CCDC3: variants seen among roughly 807,000 people sequenced by gnomAD.
The protein encoded by CCDC3 is coiled-coil domain-containing protein 3.
A neutral mutation model predicts 21.4 loss-of-function variants in CCDC3; 24 were observed. The observed-to-expected ratio is 1.12, with a 90% CI of 0.81 to 1.58. CCDC3 has a LOEUF of 1.58. CCDC3 is among the 40% of genes most tolerant of loss of function. The pLI is 0.00. For synonymous variants in CCDC3, 186 were observed against 166.0 expected (o/e 1.12, Z -0.93); for missense variants, 425 against 360.9 (o/e 1.18, Z -1.44).
At chr10:12,908,881 G>C (rs72775679) in intron 2 of CCDC3, among the ~76,000 whole-genome samples, 3 of 152,126 alleles carry the variant, frequency 2.0e-5, no homozygotes, top group Admixed American at 6.5e-5. Flanking sequence ...TGTGGACCAC[G>C]GCGCCTGGCC....
At chr10:12,969,551 A>G (rs886397303) in intron 2 of CCDC3, among the ~76,000 whole-genome samples, 2 of 151,882 alleles carry the variant, frequency 1.3e-5, no homozygotes, top group Non-Finnish European at 2.9e-5. Flanking sequence ...TACTGGGTAC[A>G]TATCCAAAGG....
intron 5 of CCDC3, among the ~76,000 whole-genome samples, chr10:13,012,989 A>G (rs1463505847): frequency 6.6e-6 from 1 of 152,248 alleles, no homozygotes; most frequent in Non-Finnish European, 1.5e-5. Context: ...AAATTTTTAT[A>G]TTCAAAATTC....
At chr10:12,908,033 C>T (rs533404208) in intron 2 of CCDC3, among the ~76,000 whole-genome samples, 18 of 152,286 alleles carry the variant, frequency 1.2e-4, no homozygotes, top group African/African-American at 4.1e-4. Context: ...GCTGATGGCC[C>T]ATGATTAAAA....
rs71477255 is a variant in CCDC3 at position 13,041,504 on chromosome 10, A to ATTTTTTTTTTT, written c.-2+8159_-2+8169dup. 1.4e-4 allele frequency among the ~76,000 whole-genome samples: 9 copies of ATTTTTTTTTTT among 62,112 alleles called. 3 individuals carry two copies. The highest frequency in any genetic ancestry group is 1.1e-3 in the East Asian group (2 of 1,826). 40.7% of individuals were successfully genotyped at this position (62,112 alleles called of 152,430 possible). Reference sequence around the variant, plus strand: ...GTTCACTCCAAGTGTCTGGCAGATAATTTTTTTTTTTTTTTTTTTTTTTTT... The same window carrying ATTTTTTTTTTT: ...GTTCACTCCAAGTGTCTGGCAGATAATTTTTTTTTTTTTTTTTTTTTTTTTTTTTTTTTTTT... On this transcript the variant is annotated intron_variant, in intron 5 of 6. Coordinates refer to the CCDC3 transcript ENST00000378839.
chr10:12,918,122 A>G (rs995911817), intron 2 of CCDC3, among the ~76,000 whole-genome samples: 2 of 152,184 alleles, frequency 1.3e-5, no homozygotes, highest in Non-Finnish European at 2.9e-5. Flanking sequence ...TTCCCTACCC[A>G]TCTGTATTAC....
At chr10:12,955,114 A>AAAAC (rs1394379593) in intron 2 of CCDC3, among the ~76,000 whole-genome samples, 2 of 152,362 alleles carry the variant, frequency 1.3e-5, no homozygotes, top group African/African-American at 4.8e-5. Context: ...TAAAATGCTT[A>AAAAC]GAACAATCCT....
chr10:13,070,570 A>C (rs952183095), intron 4 of CCDC3, among the ~76,000 whole-genome samples: 3 of 152,182 alleles, frequency 2.0e-5, no homozygotes, highest in Admixed American at 6.5e-5. Context: ...GTCACTTTCC[A>C]ACAGACCCAG....
At chr10:13,037,654 C>A (rs576048476) in intron 5 of CCDC3, among the ~76,000 whole-genome samples, 5 of 152,280 alleles carry the variant, frequency 3.3e-5, no homozygotes, top group Admixed American at 1.3e-4. Flanking sequence ...CTTTGAACCC[C>A]TTTGCCAGCC....
intron 2 of CCDC3, among the ~76,000 whole-genome samples, chr10:12,960,839 C>G (rs116827582): frequency 0.029 from 4,441 of 152,240 alleles, 227 homozygotes; most frequent in African/African-American, 0.1. Context: ...TTATCCCGAC[C>G]CAAACAAGCA....
intron 2 of CCDC3, among the ~76,000 whole-genome samples, chr10:12,953,001 G>T (rs1335869356): frequency 6.6e-6 from 1 of 151,834 alleles, no homozygotes. Context: ...AGGGAGGGAG[G>T]GGTAATCCAC....
intron 4 of CCDC3, among the ~76,000 whole-genome samples, chr10:13,057,057 C>A (rs1836690124): frequency 6.6e-6 from 1 of 151,938 alleles, no homozygotes; most frequent in Non-Finnish European, 1.5e-5. Flanking sequence ...TTTGGAGAGC[C>A]GAGGCGGGAG....
chr10:12,928,394 C>A (rs1418022676), intron 2 of CCDC3, among the ~76,000 whole-genome samples: 1 of 152,178 alleles, frequency 6.6e-6, no homozygotes, highest in Non-Finnish European at 1.5e-5. Flanking sequence ...CAGTAGTTTT[C>A]TGTTAAATTT....
intron 2 of CCDC3, among the ~76,000 whole-genome samples, chr10:12,972,503 A>G (rs1835358126): frequency 1.3e-5 from 2 of 152,158 alleles, no homozygotes; most frequent in African/African-American, 4.8e-5. Context: ...ACTCCAAGTC[A>G]TATTCCAGAA....
At chr10:13,004,047 C>T (rs1835896987), upstream of CCDC3, among the ~76,000 whole-genome samples, 1 of 152,142 alleles carries the variant, frequency 6.6e-6, no homozygotes, top group Non-Finnish European at 1.5e-5. Flanking sequence ...ACAAGCAGAG[C>T]TCAAGGTAGC....
chr10:12,899,492 C>T (rs1249666671), intron 2 of CCDC3, among the ~76,000 whole-genome samples: 2 of 152,028 alleles, frequency 1.3e-5, no homozygotes, highest in African/African-American at 2.4e-5. Context: ...GTGCAAGCTG[C>T]CACATGTGCA....
At chr10:12,965,772 G>A (rs1449376329) in intron 2 of CCDC3, among the ~76,000 whole-genome samples, 39 of 152,142 alleles carry the variant, frequency 2.6e-4, no homozygotes, top group Admixed American at 2.6e-3. Context: ...TGTCTATAAG[G>A]AGACATCATG....
chr10:13,066,805 C>CTGGG (rs2131436829), intron 4 of CCDC3, among the ~76,000 whole-genome samples: 1 of 152,238 alleles, frequency 6.6e-6, no homozygotes, highest in Admixed American at 6.5e-5. Context: ...GTGTGGTGAC[C>CTGGG]TGGGATTCAA....
At chr10:13,098,698 T>A (rs1832665416) in intron 2 of CCDC3, 1 of 147,194 alleles carries the variant, frequency 6.8e-6, no homozygotes, top group East Asian at 2.0e-4. Flanking sequence ...TGATCAGTTA[T>A]TTCCTGCACT....
chr10:13,090,323 C>T (rs908108505), intron 3 of CCDC3, among the ~76,000 whole-genome samples: 1 of 151,978 alleles, frequency 6.6e-6, no homozygotes, highest in Non-Finnish European at 1.5e-5. Context: ...CTCCTGACCT[C>T]GTTATCCACC....
Sources: gnomAD v4.1 joint callset for allele counts (sites outside exome capture counted in the v4.1 genomes callset) on GRCh38, gnomAD v4.1.1 for gene constraint, MANE v1.5 for transcripts, NCBI Gene and HGNC (gene_info 2026-07-23, HGNC 2026-07-21) for gene names.